ZFAND4: variants seen among roughly 807,000 people sequenced by gnomAD.
ZFAND4 encodes the protein zinc finger AN1-type containing 4.
Under a neutral mutation model 64.4 loss-of-function variants are expected in ZFAND4, and 43 were observed. The ratio of observed to expected loss-of-function variants is 0.67; its 90% CI spans 0.52 to 0.86. The LOEUF (loss-of-function observed/expected upper bound fraction) is 0.86, where lower values mean the gene tolerates loss of function less well. ZFAND4 is among the 40% of genes least tolerant of loss of function. ZFAND4 has a pLI of 0.00. For synonymous variants in ZFAND4, 296 were observed against 305.7 expected, an observed-to-expected ratio of 0.97 and a Z score of 0.33; for missense variants, 929 against 859.8, an observed-to-expected ratio of 1.08 and a Z score of -1.01.
chr10:45,665,866 A>C (rs1281713302), intron 1 of ZFAND4, among the ~76,000 whole-genome samples: 1 of 152,224 alleles, frequency 6.6e-6, no homozygotes, highest in African/African-American at 2.4e-5. Context: ...TAATGTTTTC[A>C]AAGTTCATCA....
intron 5 of ZFAND4, among the ~76,000 whole-genome samples, chr10:45,644,866 A>G (rs1473832787): frequency 1.3e-5 from 2 of 152,210 alleles, no homozygotes; most frequent in Non-Finnish European, 2.9e-5. Context: ...AAATTGCTAA[A>G]TACTAATTTA....
At chr10:45,662,517 AC>A (rs1319159401) in intron 2 of ZFAND4, 1 of 842,022 alleles carries the variant, frequency 1.2e-6, no homozygotes. Context: ...TATCCTTTAA[AC>A]TATGATATAA....
At chr10:45,647,697 C>T (rs1344862966) in intron 5 of ZFAND4, among the ~76,000 whole-genome samples, 1 of 152,070 alleles carries the variant, frequency 6.6e-6, no homozygotes. Context: ...TAGGAATAAT[C>T]ATCTTTACAA....
chr10:45,629,817 C>T (rs1309697690), intron 6 of ZFAND4, among the ~76,000 whole-genome samples: 1 of 152,072 alleles, frequency 6.6e-6, no homozygotes, highest in Non-Finnish European at 1.5e-5. Context: ...GAGTCAAGAT[C>T]ATGCCACTAC....
intron 1 of ZFAND4, among the ~76,000 whole-genome samples, chr10:45,670,520 G>A (rs1346128054): frequency 3.9e-5 from 6 of 152,144 alleles, no homozygotes; most frequent in African/African-American, 1.4e-4. Context: ...GATTACAGGC[G>A]TAAGCCACTG....
In ZFAND4 at chr10:45,647,616, A is replaced by C. The variant is rs144126957; in HGVS notation, c.569+678T>G. Among the ~76,000 whole-genome samples the C allele has an allele frequency of 4.8e-3, 735 of 152,138 alleles. 3 individuals are homozygous for C. Among genetic ancestry groups the C allele is most frequent in the Admixed American group, 0.01 (157 of 15,260 alleles). On this transcript the variant is annotated intron_variant, in intron 5 of 9. Transcript: ENST00000344646. ...GTCATCTATTCTCCCAGAGATCTTG[A>C]TATCTTTTTATAACATCACCAACAT...
At chr10:45,649,459 A>G (rs1300155128) in intron 4 of ZFAND4, among the ~76,000 whole-genome samples, 1 of 152,238 alleles carries the variant, frequency 6.6e-6, no homozygotes, top group East Asian at 1.9e-4. Flanking sequence ...CCCAAGCTGC[A>G]TAACTTTCAC....
At chr10:45,660,160 C>CAAAAAAAAA (rs59673620) in intron 2 of ZFAND4, among the ~76,000 whole-genome samples, 1 of 92,554 alleles carries the variant, frequency 1.1e-5, no homozygotes, top group South Asian at 3.4e-4. Context: ...AGACGCATCT[C>CAAAAAAAAA]AAAAAAAAAA....
chr10:45,640,141 A>T, intron 5 of ZFAND4, 178 bp from the exon 6 acceptor site: 1 of 1,267,252 alleles, frequency 7.9e-7, no homozygotes, highest in African/African-American at 1.5e-5. Context: ...AGAAAAAATG[A>T]AATGGGAATA....
chr10:45,617,998 A>G (rs2045126747), intron 9 of ZFAND4, 142 bp downstream of exon 9: 15 of 821,168 alleles, frequency 1.8e-5, no homozygotes, highest in Non-Finnish European at 2.7e-5. Context: ...ACTTCAGCCA[A>G]TTAGAAGTTC....
rs558204089 is a variant in ZFAND4, at chr10:45,620,026, A to G, written c.1928-1766T>C. Among the ~76,000 whole-genome samples the G allele has an allele frequency of 8.5e-5, 13 of 152,346 alleles. 1 individual carries two copies. In the East Asian group the frequency reaches 2.5e-3, roughly 29 times the overall value. ...ATTACAAGATGTCCAATGAATGTTA[A>G]TCTACTCGAAACCATCTTTAAAATT... On this transcript the variant is annotated intron_variant, in intron 8 of 9. Coordinates refer to ENST00000344646, the MANE Select transcript of ZFAND4 (RefSeq NM_174890.4).
chr10:45,663,734 C>T lies in ZFAND4; in HGVS notation c.-9G>A. The T allele has an allele frequency of 1.3e-6, 2 of 1,586,408 alleles. No individual in the cohort carries two copies. The highest frequency in any genetic ancestry group is 1.7e-6 in the Non-Finnish European group (2 of 1,172,344). On this transcript the variant is annotated 5_prime_UTR_variant, in exon 2 of 10. Transcript: ENST00000344646. Reference sequence around the variant, plus strand: ...TCTTTTCTGTTATCCATTACTTTGACTTTTCTAGTTCTTCTAAAATATGTC... The same window carrying T: ...TCTTTTCTGTTATCCATTACTTTGATTTTTCTAGTTCTTCTAAAATATGTC...
At chr10:45,647,429 T>G (rs1254097552) in intron 5 of ZFAND4, among the ~76,000 whole-genome samples, 16 of 151,664 alleles carry the variant, frequency 1.1e-4, no homozygotes, top group South Asian at 2.1e-4. Context: ...AAGCTGTTTT[T>G]TTTTTTTTTT....
intron 4 of ZFAND4, chr10:45,650,538 T>G (rs576583519): frequency 6.6e-6 from 1 of 151,768 alleles, no homozygotes. Context: ...GTAAAAAATA[T>G]ATATATTTAC....
At chr10:45,671,901 G>T (rs1055426273) in intron 1 of ZFAND4, among the ~76,000 whole-genome samples, 8 of 151,804 alleles carry the variant, frequency 5.3e-5, no homozygotes, top group Non-Finnish European at 1.0e-4. Context: ...CTCCAAGGAT[G>T]AAATGGAAGT....
intron 5 of ZFAND4, among the ~76,000 whole-genome samples, chr10:45,643,045 C>T (rs1446686655): frequency 6.6e-6 from 1 of 151,058 alleles, no homozygotes; most frequent in Non-Finnish European, 1.5e-5. Flanking sequence ...CTCAGCCTCC[C>T]TAGTAGCTGG....
At chr10:45,643,200 A>C (rs1362530574) in intron 5 of ZFAND4, among the ~76,000 whole-genome samples, 1 of 150,944 alleles carries the variant, frequency 6.6e-6, no homozygotes, top group East Asian at 2.0e-4. Context: ...GATTACAGGC[A>C]TGAGCCACCA....
At chr10:45,649,611 A>G (rs1407060209) in intron 4 of ZFAND4, 1 of 152,246 alleles carries the variant, frequency 6.6e-6, no homozygotes, top group Non-Finnish European at 1.5e-5. Context: ...TATTACTAAC[A>G]TAAAAATCTT....
rs1352413938 is a variant in ZFAND4 at position 45,624,591 on chromosome 10, T to C, written c.1919A>G (p.Lys640Arg). The change falls in exon 8 of 10, where the codon AAA becomes AGA. Residue 640 changes from lysine (K) to arginine (R), a missense_variant. Transcript: ENST00000344646. ...AATTATCTGTAGCTTACCTACGCTT[T>C]TCCCTGCTGCTGCATTATTTCCATT... is the stretch of plus-strand genomic sequence containing the variant. ...GMNGNNAAAG[K>R]SVGECTTHHL... The C allele has an allele frequency of 1.9e-6, 3 of 1,613,822 alleles. No homozygotes were observed. In the African/African-American group the frequency reaches 4.0e-5, roughly 22 times the overall value.
Sources: gnomAD v4.1 joint callset for allele counts (sites outside exome capture counted in the v4.1 genomes callset) on GRCh38, gnomAD v4.1.1 for gene constraint, MANE v1.5 for transcripts, NCBI Gene and HGNC (gene_info 2026-07-23, HGNC 2026-07-21) for gene names.